The following PDE1C variants were observed in gnomAD, a reference collection of about 807,000 sequenced individuals.
PDE1C encodes dual specificity calcium/calmodulin-dependent 3',5'-cyclic nucleotide phosphodiesterase 1C.
Under a neutral mutation model 93.1 loss-of-function variants are expected in PDE1C, and 62 were observed. The ratio of observed to expected loss-of-function variants is 0.67; its 90% CI spans 0.54 to 0.82. The LOEUF (loss-of-function observed/expected upper bound fraction) is 0.82, where lower values mean the gene tolerates loss of function less well. Ranked by LOEUF, PDE1C falls within the 40% of genes least tolerant of loss-of-function variation. PDE1C has a pLI of 0.00. For synonymous variants in PDE1C, 325 were observed against 310.1 expected (o/e 1.05, Z -0.50); for missense variants, 742 against 884.6 (o/e 0.84, Z 2.04).
At chr7:31,929,353 C>G (rs1243822536) in intron 2 of PDE1C, among the ~76,000 whole-genome samples, 1 of 152,000 alleles carries the variant, frequency 6.6e-6, no homozygotes, top group South Asian at 2.1e-4. Context: ...ACTTTAACAC[C>G]CCACTGTCAA....
At chr7:32,397,674 G>A (rs984699099) in intron 1 of PDE1C, among the ~76,000 whole-genome samples, 11 of 152,072 alleles carry the variant, frequency 7.2e-5, no homozygotes, top group Non-Finnish European at 1.3e-4. Flanking sequence ...ATGCCTATAG[G>A]AGAGAACATG....
intron 3 of PDE1C, among the ~76,000 whole-genome samples, chr7:32,089,024 T>C (rs1055160998): frequency 1.3e-5 from 2 of 152,158 alleles, no homozygotes; most frequent in African/African-American, 4.8e-5. Context: ...ATCTGAGTAA[T>C]TGAACAGTTG....
intron 5 of PDE1C, among the ~76,000 whole-genome samples, chr7:31,875,057 C>T (rs889984168): frequency 6.6e-6 from 1 of 152,180 alleles, no homozygotes; most frequent in African/African-American, 2.4e-5. Context: ...AGGGCGCAGG[C>T]TATAGACAGC....
intron 2 of PDE1C, among the ~76,000 whole-genome samples, chr7:31,892,964 TTAGA>T (rs1266014084): frequency 2.6e-5 from 4 of 152,334 alleles, no homozygotes; most frequent in African/African-American, 9.6e-5. Context: ...GTTATGTTAA[TTAGA>T]TTGATTTAAT....
intron 8 of PDE1C, 50 bp downstream of exon 8, chr7:31,850,591 T>C (rs765065935): frequency 3.3e-6 from 4 of 1,213,578 alleles, no homozygotes; most frequent in African/African-American, 1.5e-5. Flanking sequence ...TTTCTAAAAC[T>C]GTCTCTCTGA....
At chr7:32,238,954 G>A (rs1808345768) in intron 1 of PDE1C, among the ~76,000 whole-genome samples, 1 of 152,152 alleles carries the variant, frequency 6.6e-6, no homozygotes, top group South Asian at 2.1e-4. Context: ...ACAACAAAGT[G>A]TTTTAAAACA....
chr7:32,152,577 T>A (rs1280201190), intron 3 of PDE1C, among the ~76,000 whole-genome samples: 1 of 152,200 alleles, frequency 6.6e-6, no homozygotes, highest in African/African-American at 2.4e-5. Flanking sequence ...GGCCCCTCTT[T>A]TAATGAGGAT....
chr7:32,015,464 A>G (rs1183257912), intron 2 of PDE1C, among the ~76,000 whole-genome samples: 1 of 152,162 alleles, frequency 6.6e-6, no homozygotes, highest in Non-Finnish European at 1.5e-5. Context: ...TCAATGTTTA[A>G]GATAAAACAT....
intron 3 of PDE1C, 49 bp from the exon 4 acceptor site, chr7:31,879,227 G>A: frequency 6.4e-7 from 1 of 1,561,712 alleles, no homozygotes; most frequent in Non-Finnish European, 8.7e-7. Flanking sequence ...TCTGAAGTTG[G>A]AGCTCTCTGT....
At chr7:32,312,304 C>A (rs534680114) in intron 1 of PDE1C, among the ~76,000 whole-genome samples, 1 of 151,734 alleles carries the variant, frequency 6.6e-6, no homozygotes, top group Non-Finnish European at 1.5e-5. Flanking sequence ...TAGGAAGAAT[C>A]AATATCGTGA....
chr7:32,112,857 T>C (rs1022501425), intron 3 of PDE1C, among the ~76,000 whole-genome samples: 10 of 112,174 alleles, frequency 8.9e-5, no homozygotes, highest in African/African-American at 5.0e-4. Context: ...TATATATATA[T>C]ATATATATAT....
At chr7:32,341,175 T>TTTTTTATTTTTTTTTTA (rs1562682177) in intron 1 of PDE1C, among the ~76,000 whole-genome samples, 8 of 77,514 alleles carry the variant, frequency 1.0e-4, no homozygotes, top group African/African-American at 1.8e-4. Context: ...AATAAAGTCT[T>TTTTTTATTTTTTTTTTA]TTTTTTTTTT....
At chr7:31,873,796 G>C (rs1394872896) in intron 5 of PDE1C, among the ~76,000 whole-genome samples, 1 of 152,134 alleles carries the variant, frequency 6.6e-6, no homozygotes, top group Non-Finnish European at 1.5e-5. Flanking sequence ...TAGAGATACA[G>C]GCAGGGCCAG....
At chr7:31,747,178 G>A (rs1027293045), downstream of PDE1C, among the ~76,000 whole-genome samples, 1 of 152,062 alleles carries the variant, frequency 6.6e-6, no homozygotes, top group African/African-American at 2.4e-5. Context: ...CTCAACAAAG[G>A]GGCACACCAG....
intron 1 of PDE1C, among the ~76,000 whole-genome samples, chr7:32,345,506 C>T (rs1489542782): frequency 6.6e-6 from 1 of 152,090 alleles, no homozygotes; most frequent in African/African-American, 2.4e-5. Flanking sequence ...ATAAATTGGA[C>T]TTCACTAAAA....
At chr7:32,387,529 C>T (rs1312307233) in intron 1 of PDE1C, among the ~76,000 whole-genome samples, 1 of 147,478 alleles carries the variant, frequency 6.8e-6, no homozygotes, top group Non-Finnish European at 1.5e-5. Context: ...CCCTCCCGGA[C>T]GGGGCGGCTG....
intron 2 of PDE1C, among the ~76,000 whole-genome samples, chr7:31,889,276 C>T (rs1218839050): frequency 6.6e-6 from 1 of 152,220 alleles, no homozygotes; most frequent in African/African-American, 2.4e-5. Flanking sequence ...CCCTCTACCA[C>T]TTCACTATTC....
chr7:31,642,941 G>T, the PDE1C span: 2 of 1,613,922 alleles, frequency 1.2e-6, no homozygotes, highest in African/African-American at 2.7e-5. Context: ...GACATGGCCT[G>T]TGCCAAGACC....
intron 16 of PDE1C, chr7:31,808,151 A>C (rs547052361): frequency 5.3e-5 from 24 of 456,756 alleles, no homozygotes; most frequent in South Asian, 3.8e-4. Flanking sequence ...TTACTCTTCC[A>C]CCTGGTTACC....
Sources: allele counts gnomAD v4.1 joint callset (sites outside exome capture counted in the v4.1 genomes callset), GRCh38; gene constraint gnomAD v4.1.1; transcripts MANE v1.5; gene names NCBI Gene and HGNC (gene_info 2026-07-23, HGNC 2026-07-21).